The following UNC93B1 variants were observed in gnomAD, a reference collection of about 807,000 sequenced individuals.
UNC93B1 encodes protein unc-93 homolog B1.
A neutral mutation model predicts 56.8 loss-of-function variants in UNC93B1; 33 were observed. That is an observed-to-expected ratio of 0.58 (90% CI 0.44 to 0.78). UNC93B1 has a LOEUF of 0.78. Among genes scored for constraint, UNC93B1 ranks in the 30% least tolerant of loss-of-function variants. UNC93B1 has a pLI of 0.00. For synonymous variants in UNC93B1, 334 were observed against 358.6 expected (o/e 0.93, Z 0.77); for missense variants, 673 against 819.5 (o/e 0.82, Z 2.18).
chr11:67,997,612 A>C (rs1323865057), intron 7 of UNC93B1, 63 bp downstream of exon 7: 7 of 1,593,066 alleles, frequency 4.4e-6, no homozygotes, highest in Non-Finnish European at 5.9e-6. Context: ...CCTTTCTCGC[A>C]GACTCGGTCC....
chr11:68,001,667 T>C (rs965143148), intron 3 of UNC93B1, among the ~76,000 whole-genome samples: 1 of 147,424 alleles, frequency 6.8e-6, no homozygotes, highest in Non-Finnish European at 1.5e-5. Flanking sequence ...ATAATAATAA[T>C]AATAAAATAA....
rs934872284 is a variant in UNC93B1, at chr11:68,003,747, G to T, written c.148C>A (p.Arg50Ser). Reference sequence around the variant, plus strand: ...AGGCGCTTGCGGCGGTAGTAGCGGCGCTCCTCCTCCTCCTCGTTGTAGTTG... The same window carrying T: ...AGGCGCTTGCGGCGGTAGTAGCGGCTCTCCTCCTCCTCCTCGTTGTAGTTG... Reference protein sequence around the residue: ...YPNYNEEEEERRYYRRKRLGV... With the variant: ...YPNYNEEEEESRYYRRKRLGV... The change falls in exon 2 of 11, where the codon CGC (arginine) becomes AGC (serine). Residue 50 changes from arginine to serine, a missense_variant. By Grantham distance (110) the Arg-to-Ser change is moderately radical. Transcript: ENST00000227471. This position sits in a 1 kb window ranked among gnomAD's most constrained non-coding sequence, Gnocchi z 4.4. 53 of 1,524,416 alleles carry T rather than the reference G, an allele frequency of 3.5e-5. No homozygotes were observed. The Admixed American group carries it at 1.0e-3, about 29-fold the overall frequency. The allele number at this position is 1,524,416 out of a possible 1,614,324, so 94.4% of individuals were successfully genotyped here.
At position 67,991,524 on chromosome 11, in the gene UNC93B1, A is replaced by C. The variant is rs1856839645; in HGVS notation, c.*22T>G. Reference sequence around the variant, plus strand: ...CTGAGGCCGGCGAGGAGGGAGGCTGAGTCCGGGGACCAGGCGGCCCCTCAC... The same window carrying C: ...CTGAGGCCGGCGAGGAGGGAGGCTGCGTCCGGGGACCAGGCGGCCCCTCAC... On this transcript the variant is annotated 3_prime_UTR_variant, in exon 11 of 11. Transcript: ENST00000227471. The C allele has an allele frequency of 7.2e-7, 1 of 1,388,508 alleles. No individual in the cohort carries two copies. Among genetic ancestry groups the C allele is most frequent in the East Asian group, 2.9e-5 (1 of 34,292 alleles). 86.0% of individuals were successfully genotyped at this position (1,388,508 alleles called of 1,614,324 possible). A position where few individuals can be genotyped will look rare whatever the true frequency, so the allele number is the denominator to read the frequency against.
At chr11:67,992,344 C>G (rs4014623) in intron 10 of UNC93B1, among the ~76,000 whole-genome samples, 1 of 152,192 alleles carries the variant, frequency 6.6e-6, no homozygotes, top group Middle Eastern at 3.4e-3. Flanking sequence ...CAGACACGGT[C>G]GCTCCGTTTC....
At chr11:67,994,575 G>C (rs900900707) in intron 9 of UNC93B1, among the ~76,000 whole-genome samples, 1 of 152,144 alleles carries the variant, frequency 6.6e-6, no homozygotes, top group Non-Finnish European at 1.5e-5. Flanking sequence ...GGGGTTCACC[G>C]GAGGAGATGG....
intron 10 of UNC93B1, among the ~76,000 whole-genome samples, chr11:67,992,651 TCTTTTTTTTTTTTC>T (rs1279972221): frequency 1.7e-5 from 2 of 114,798 alleles, no homozygotes; most frequent in African/African-American, 4.1e-5. Flanking sequence ...TCACTGCTTT[TCTTTTTTTTTTTTC>T]CTTTTTTTTT....
Position 68,003,141 on chromosome 11 carries a change from G to T in UNC93B1, c.273C>A (p.Asp91Glu). 1 of 1,613,194 alleles carries T rather than the reference G, an allele frequency of 6.2e-7. No homozygotes were observed. The highest frequency in any genetic ancestry group is 1.1e-5 in the South Asian group (1 of 91,056). The change falls in exon 3 of 11, where the codon GAC (aspartate) becomes GAA (glutamate). Residue 91 changes from aspartate to glutamate, a missense_variant. Physicochemically the swap from Asp to Glu is conservative, Grantham distance 45. Coordinates refer to ENST00000227471, the MANE Select transcript of UNC93B1 (RefSeq NM_030930.4). This position sits in a 1 kb window ranked among gnomAD's most constrained non-coding sequence, Gnocchi z 4.4. ...CATACTTCACCTCGCGGTAGGTCTCGTCGTAGTGCAGGATCAGCTGCATCT... is the reference window on the plus strand; with the variant it reads ...CATACTTCACCTCGCGGTAGGTCTCTTCGTAGTGCAGGATCAGCTGCATCT... ...LLQMQLILHY[D>E]ETYREVKYGN... is the part of the protein sequence containing the mutation.
intron 10 of UNC93B1, 24 bp downstream of exon 10, chr11:67,993,652 G>A (rs982731800): frequency 7.6e-6 from 8 of 1,054,174 alleles, no homozygotes; most frequent in East Asian, 2.6e-5. Context: ...TGGGCATGGG[G>A]CCCCCAACCC....
chr11:68,004,024 A>G lies in UNC93B1; in HGVS notation c.20T>C (p.Leu7Pro). ...CCCCGCAGCCCCCGCCATCGGGTAG[A>G]GCGGCGGCTCCGCCTCCATGGCCCG... MEAEPP[L>P]YPMAGAAGPQ... Residue 7 changes from leucine to proline, a missense_variant, in exon 1 of 11, where the codon CTC becomes CCC. Leu to Pro is a moderately conservative substitution (Grantham distance 98). This residue lies in a region of UNC93B1 where 438 missense variants were observed against 465.9 expected (regional missense o/e 0.94). Coordinates refer to ENST00000227471, the MANE Select transcript of UNC93B1 (RefSeq NM_030930.4). 1 of 1,400,448 alleles carries G rather than the reference A, an allele frequency of 7.1e-7. No individual in the cohort carries two copies. The highest frequency in any genetic ancestry group is 9.3e-7 in the Non-Finnish European group (1 of 1,074,276). 86.8% of individuals were successfully genotyped at this position (1,400,448 alleles called of 1,614,324 possible).
chr11:68,002,185 T>TACACACAC (rs60629377), intron 3 of UNC93B1, among the ~76,000 whole-genome samples: 31,543 of 140,526 alleles, frequency 0.22, 4,173 homozygotes, highest in African/African-American at 0.35. Context: ...CCCGCTTGCA[T>TACACACAC]ACACACACAC....
Position 67,996,665 on chromosome 11 carries a change from G to A in UNC93B1, c.1026C>T (p.His342=), listed in dbSNP as rs769715916. The change falls in exon 8 of 11, where the codon CAC becomes CAT. Residue 342 remains histidine (H), a synonymous_variant. Transcript: ENST00000227471. ...FKHVRDYRLR[H]LVPFFIYSGF... is the part of the protein sequence containing the mutation. ...CGCTGTAGATAAAGAAAGGCACGAG[G>A]TGGCGCAGGCGGTAGTCACGCACGT... 3 of 1,551,616 alleles carry A rather than the reference G, an allele frequency of 1.9e-6. No homozygotes were observed. The highest frequency in any genetic ancestry group is 1.2e-5 in the South Asian group (1 of 84,062).
intron 7 of UNC93B1, 60 bp downstream of exon 7, chr11:67,997,615 C>T: frequency 6.3e-7 from 1 of 1,593,890 alleles, no homozygotes; most frequent in South Asian, 1.1e-5. Flanking sequence ...TTCTCGCAGA[C>T]TCGGTCCCCA....
chr11:67,998,647 A>T (rs1035774437), intron 5 of UNC93B1, among the ~76,000 whole-genome samples, 195 bp from the exon 6 acceptor site: 3 of 152,170 alleles, frequency 2.0e-5, no homozygotes, highest in Non-Finnish European at 4.4e-5. Context: ...GGCAGATGAG[A>T]TCTCTATCTC....
Position 68,003,106 on chromosome 11 carries a change from C to G in UNC93B1, c.308G>C (p.Gly103Ala). ...CATTTTGCTGTCGATGTCGGGCAGCCCCATGTTGCCATACTTCACCTCGCG... is the reference window on the plus strand; with the variant it reads ...CATTTTGCTGTCGATGTCGGGCAGCGCCATGTTGCCATACTTCACCTCGCG... ...TYREVKYGNM[G>A]LPDIDSKMLM... Residue 103 changes from glycine (G) to alanine (A), a missense_variant, in exon 3 of 11, where the codon GGG becomes GCG. By Grantham distance (60) the Gly-to-Ala change is moderately conservative. This residue lies in a region of UNC93B1 where 438 missense variants were observed against 465.9 expected (regional missense o/e 0.94). Coordinates refer to ENST00000227471, the MANE Select transcript of UNC93B1 (RefSeq NM_030930.4). The surrounding 1 kb of genome is among the most constrained non-coding windows in gnomAD (Gnocchi z 4.4). 6.2e-7 allele frequency: 1 copy of G among 1,613,570 alleles called. No homozygotes were observed. Among genetic ancestry groups the G allele is most frequent in the South Asian group, 1.1e-5 (1 of 91,040 alleles).
chr11:67,993,885 T>C, intron 9 of UNC93B1, 91 bp from the exon 10 acceptor site: 1 of 889,506 alleles, frequency 1.1e-6, no homozygotes, highest in South Asian at 1.4e-5. Flanking sequence ...TACTAAGCCC[T>C]GTATGGGTCC....
In UNC93B1 at chr11:67,991,624, G is replaced by A. The variant is rs1412339858; in HGVS notation, c.1716C>T (p.Gly572=). 1.6e-5 allele frequency: 24 copies of A among 1,507,396 alleles called. 1 individual carries two copies. The highest frequency in any genetic ancestry group is 6.2e-5 in the South Asian group (5 of 80,714). The allele number at this position is 1,507,396 out of a possible 1,614,324, so 93.4% of individuals were successfully genotyped here. The part of the protein sequence containing the change: ...EEAPPAGPRP[G]PEPAGLGRRP... ...GGCGGCCGAGTCCAGCGGGCTCGGG[G>A]CCAGGCCTGGGCCCTGCGGGCGGCG... Residue 572 remains glycine, a synonymous_variant, in exon 11 of 11, where the codon GGC becomes GGT. Transcript: ENST00000227471.
rs1475977379 is a variant in UNC93B1, at chr11:67,991,227, G to A, written c.*319C>T. 15 of 297,488 alleles carry A rather than the reference G, an allele frequency of 5.0e-5. No homozygotes were observed. In the South Asian group the frequency reaches 1.0e-3, roughly 20 times the overall value. 18.4% of individuals were successfully genotyped at this position (297,488 alleles called of 1,614,324 possible). A position where few individuals can be genotyped will look rare whatever the true frequency, so the allele number is the denominator to read the frequency against. On this transcript the variant is annotated 3_prime_UTR_variant, in exon 11 of 11. Transcript: ENST00000227471. ...CGGGTCCGCGGCCGAGAGCTGTGGGGATCTGGAGCGGGCCGGGTCGCAAGA... is the reference window on the plus strand; with the variant it reads ...CGGGTCCGCGGCCGAGAGCTGTGGGAATCTGGAGCGGGCCGGGTCGCAAGA...
In UNC93B1 at chr11:67,998,453, C is replaced by T; in HGVS notation, c.688-1G>A. 1 of 1,613,860 alleles carries T rather than the reference C, an allele frequency of 6.2e-7. No homozygotes were observed. The highest frequency in any genetic ancestry group is 8.5e-7 in the Non-Finnish European group (1 of 1,179,810). ...GCAGCTGGGCGCAGGCGAAGCTCAGCTGCAGAAACAAGGGCAGTTGGGACC... is the reference window on the plus strand; with the variant it reads ...GCAGCTGGGCGCAGGCGAAGCTCAGTTGCAGAAACAAGGGCAGTTGGGACC... On this transcript the variant is annotated splice_acceptor_variant, in intron 5 of 10. Coordinates refer to ENST00000227471, the MANE Select transcript of UNC93B1 (RefSeq NM_030930.4). LOFTEE classifies it high-confidence loss of function.
Position 67,997,799 on chromosome 11 carries a change from C to G in UNC93B1, c.782G>C (p.Gly261Ala). ...NHTLYNVQSC[G>A]TNSHGILSGF... ...GCTGAGGATCCCGTGGCTGTTGGTG[C>G]CTGGGAAGGGTGGGGGTGAGGGCAC... The change falls in exon 7 of 11, where the codon GGC becomes GCC. Residue 261 changes from glycine (G) to alanine (A), a missense_variant and splice_region_variant. Around this residue, in one of 3 missense-constraint regions of UNC93B1, gnomAD observed 438 missense variants for 465.9 expected, o/e 0.94. Coordinates refer to ENST00000227471, the MANE Select transcript of UNC93B1 (RefSeq NM_030930.4). The G allele has an allele frequency of 6.2e-7, 1 of 1,606,472 alleles. No homozygotes were observed. The highest frequency in any genetic ancestry group is 8.5e-7 in the Non-Finnish European group (1 of 1,179,198).
Sources: gnomAD v4.1 joint callset for allele counts (sites outside exome capture counted in the v4.1 genomes callset) on GRCh38, gnomAD v4.1.1 for gene constraint, gnomAD v4.1.1 regional missense constraint, Gnocchi (gnomAD v3.1) non-coding constraint, MANE v1.5 for transcripts, NCBI Gene and HGNC (gene_info 2026-07-23, HGNC 2026-07-21) for gene names.